Variants in IGF2BP2 observed in about 807,000 individuals in gnomAD.
IGF2BP2 encodes the protein insulin like growth factor 2 mRNA binding protein 2.
A neutral mutation model predicts 75.8 loss-of-function variants in IGF2BP2; 17 were observed. The observed-to-expected ratio is 0.22, with a 90% CI of 0.15 to 0.34. IGF2BP2 has a LOEUF of 0.34. Ranked by LOEUF, IGF2BP2 falls within the 10% of genes least tolerant of loss-of-function variation. IGF2BP2 has a pLI of 1.00. For missense variants in IGF2BP2, 516 were observed against 772.4 expected, an observed-to-expected ratio of 0.67 and a Z score of 3.93; for synonymous variants, 288 against 295.6, an observed-to-expected ratio of 0.97 and a Z score of 0.26.
At chr3:185,803,895 G>A (rs1219250638) in intron 2 of IGF2BP2, among the ~76,000 whole-genome samples, 1 of 152,036 alleles carries the variant, frequency 6.6e-6, no homozygotes, top group African/African-American at 2.4e-5. Context: ...AGGCCGAGGC[G>A]GGTGGATCAC....
chr3:185,746,258 G>A (rs77583130), intron 2 of IGF2BP2, among the ~76,000 whole-genome samples: 7,008 of 152,216 alleles, frequency 0.046, 223 homozygotes, highest in Non-Finnish European at 0.067. Context: ...TTGAGTGGGC[G>A]GAGGGCAATC....
rs148773495 is a variant in IGF2BP2, at chr3:185,686,256, C to T, written c.812+801G>A. ...AAAATTAGCTGGGCATGGTGGCGCA[C>T]GCCTGTAATCCCAGCTATTCGGGAG... On this transcript the variant is annotated intron_variant, in intron 7 of 15. Coordinates refer to ENST00000382199, the MANE Select transcript of IGF2BP2 (RefSeq NM_006548.6). 3.9e-3 allele frequency among the ~76,000 whole-genome samples: 585 copies of T among 151,946 alleles called. 4 individuals carry two copies. Among genetic ancestry groups the T allele is most frequent in the African/African-American group, 0.013 (547 of 41,436 alleles).
intron 2 of IGF2BP2, among the ~76,000 whole-genome samples, chr3:185,741,134 A>G (rs1240994243): frequency 6.6e-6 from 1 of 152,136 alleles, no homozygotes; most frequent in African/African-American, 2.4e-5. Flanking sequence ...CGGCCTCCCA[A>G]AGTGCTGGGA....
At position 185,644,435 on chromosome 3, in the gene IGF2BP2, TGGTTTGGTG is replaced by T. The variant is rs1239147514; in HGVS notation, c.*1087_*1095del. On this transcript the variant is annotated 3_prime_UTR_variant, in exon 16 of 16. Coordinates refer to ENST00000382199, the MANE Select transcript of IGF2BP2 (RefSeq NM_006548.6). ...TTTTTTCTTTGTTTGGTTGATTGGT[TGGTTTGGTG>T]GGTTCCTGTTTTCCTCTTCCAAAAC... is the stretch of plus-strand genomic sequence containing the variant. 1 of 152,506 alleles carries T rather than the reference TGGTTTGGTG, an allele frequency of 6.6e-6. No individual in the cohort carries two copies. Among genetic ancestry groups the T allele is most frequent in the Non-Finnish European group, 1.5e-5 (1 of 68,004 alleles). The allele number at this position is 152,506 out of a possible 1,614,324, so 9.4% of individuals were successfully genotyped here. A position where few individuals can be genotyped will look rare whatever the true frequency, so the allele number is the denominator to read the frequency against.
chr3:185,741,804 T>A (rs573134917), intron 2 of IGF2BP2, among the ~76,000 whole-genome samples: 4 of 152,296 alleles, frequency 2.6e-5, no homozygotes, highest in Non-Finnish European at 1.5e-5. Flanking sequence ...GAGGTAAGCA[T>A]GTTATATCTA....
intron 7 of IGF2BP2, among the ~76,000 whole-genome samples, chr3:185,684,397 CT>C (rs1357078069): frequency 0.023 from 3,394 of 145,460 alleles, 124 homozygotes; most frequent in African/African-American, 0.08. Flanking sequence ...TGTAGAATTT[CT>C]TTTTTTTTTT....
rs1721590947 is a variant in IGF2BP2, at chr3:185,689,340, C to T, written c.677+15G>A. 1.9e-6 allele frequency: 3 copies of T among 1,608,672 alleles called. No homozygotes were observed. Among genetic ancestry groups the T allele is most frequent in the Middle Eastern group, 2.1e-4 (1 of 4,818 alleles). On this transcript the variant is annotated intron_variant, in intron 6 of 15. Transcript: ENST00000382199. ...CCCCTCAGAAGGAAGCAAAGGAAGC[C>T]CCACAGGCACGTACCGGGACTGGGT...
intron 12 of IGF2BP2, among the ~76,000 whole-genome samples, chr3:185,656,698 A>AAT (rs1219706795): frequency 6.6e-6 from 1 of 152,166 alleles, no homozygotes. Context: ...TTCTCTGATG[A>AAT]TTCTCCACAC....
intron 2 of IGF2BP2, among the ~76,000 whole-genome samples, chr3:185,781,921 A>ATCCC (rs1735255651): frequency 6.6e-6 from 1 of 152,122 alleles, no homozygotes; most frequent in Admixed American, 6.6e-5. Context: ...AGGTCCTGGG[A>ATCCC]GTTCATAGTA....
In IGF2BP2 at chr3:185,645,656, C is replaced by G. The variant is rs1560216339; in HGVS notation, c.1708-33G>C. The G allele has an allele frequency of 6.3e-7, 1 of 1,578,318 alleles. No homozygotes were observed. Among genetic ancestry groups the G allele is most frequent in the Non-Finnish European group, 8.7e-7 (1 of 1,148,144 alleles). The stretch of plus-strand genomic sequence containing the variant: ...AAGGGAGAGAAGGGAGAGGAAGGGA[C>G]AGGGGAAAAAAGGAACCCAGTTCTG... On this transcript the variant is annotated intron_variant, in intron 15 of 15. Coordinates refer to ENST00000382199, the MANE Select transcript of IGF2BP2 (RefSeq NM_006548.6). The surrounding 1 kb of genome is among the most constrained non-coding windows in gnomAD (Gnocchi z 4.9).
At chr3:185,694,321 A>G (rs1340379229) in intron 4 of IGF2BP2, among the ~76,000 whole-genome samples, 1 of 152,182 alleles carries the variant, frequency 6.6e-6, no homozygotes, top group Non-Finnish European at 1.5e-5. Context: ...AGACTCCCAG[A>G]AAGGGCTGGG....
Position 185,689,515 on chromosome 3 carries a change from C to T in IGF2BP2, c.517G>A (p.Asp173Asn), listed in dbSNP as rs1721621224. ...PSPPQRAQRGDHSSREQGHAP... is the reference protein window; with the variant it reads ...PSPPQRAQRGNHSSREQGHAP... ...TGGCCTTGCTCCCGGGAAGAGTGGT[C>T]CCCACGCTGGGCTCGCTGAGGGGGC... The change falls in exon 6 of 16, where the codon GAC becomes AAC. Residue 173 changes from aspartate to asparagine, a missense_variant. By Grantham distance (23) the Asp-to-Asn change is conservative (BLOSUM62 1). Coordinates refer to ENST00000382199, the MANE Select transcript of IGF2BP2 (RefSeq NM_006548.6). The T allele has an allele frequency of 1.2e-6, 2 of 1,614,156 alleles. No homozygotes were observed. The highest frequency in any genetic ancestry group is 1.7e-6 in the Non-Finnish European group (2 of 1,180,014).
intron 2 of IGF2BP2, among the ~76,000 whole-genome samples, chr3:185,787,703 C>T (rs112106293): frequency 1.4e-3 from 213 of 151,346 alleles, no homozygotes; most frequent in African/African-American, 5.0e-3. Context: ...ACTGCACTCC[C>T]GCCTGGGCAA....
chr3:185,713,147 G>T (rs1725063472), intron 2 of IGF2BP2: 1 of 317,202 alleles, frequency 3.2e-6, no homozygotes, highest in Non-Finnish European at 6.3e-6. Flanking sequence ...GTAATACTGT[G>T]AATGAGAAGA....
intron 2 of IGF2BP2, among the ~76,000 whole-genome samples, chr3:185,806,351 T>C (rs1739027542): frequency 6.6e-6 from 1 of 152,170 alleles, no homozygotes; most frequent in Non-Finnish European, 1.5e-5. Flanking sequence ...GAAAATTATA[T>C]TTACCCGTAG....
intron 6 of IGF2BP2, 52 bp from the exon 7 acceptor site, chr3:185,687,243 C>G: frequency 1.3e-6 from 2 of 1,545,278 alleles, no homozygotes; most frequent in South Asian, 2.5e-5. Flanking sequence ...GGATAGGACC[C>G]TAGCCCCAAG....
At chr3:185,758,506 T>C (rs940633664) in intron 2 of IGF2BP2, among the ~76,000 whole-genome samples, 2 of 152,242 alleles carry the variant, frequency 1.3e-5, no homozygotes, top group African/African-American at 4.8e-5. Flanking sequence ...AATGAGATAA[T>C]GCATGTAAAG....
intron 2 of IGF2BP2, among the ~76,000 whole-genome samples, chr3:185,699,930 A>G (rs1447417590): frequency 2.0e-5 from 3 of 152,204 alleles, no homozygotes; most frequent in East Asian, 3.8e-4. Context: ...AAAGAACAGT[A>G]TAAGTTATGT....
intron 4 of IGF2BP2, among the ~76,000 whole-genome samples, chr3:185,696,179 C>T (rs1722552406): frequency 6.6e-6 from 1 of 152,164 alleles, no homozygotes; most frequent in Non-Finnish European, 1.5e-5. Context: ...CTGCAATTCA[C>T]AAGCACTTCA....
Sources: allele counts gnomAD v4.1 joint callset (sites outside exome capture counted in the v4.1 genomes callset), GRCh38; gene constraint gnomAD v4.1.1; non-coding constraint Gnocchi (gnomAD v3.1); transcripts MANE v1.5; gene names NCBI Gene and HGNC (gene_info 2026-07-23, HGNC 2026-07-21).